MAPK6: variants seen among roughly 807,000 people sequenced by gnomAD.
MAPK6 encodes mitogen-activated protein kinase 6.
Under a neutral mutation model 59.3 loss-of-function variants are expected in MAPK6, and 19 were observed. The ratio of observed to expected loss-of-function variants is 0.32; its 90% CI spans 0.22 to 0.47. The LOEUF is 0.47. Ranked by LOEUF, MAPK6 falls within the 20% of genes least tolerant of loss-of-function variation. The pLI, the probability that MAPK6 is intolerant of heterozygous loss-of-function variation, is 1.00. For synonymous variants in MAPK6, 316 were observed against 290.3 expected, an observed-to-expected ratio of 1.09 and a Z score of -0.90; for missense variants, 724 against 847.9, an observed-to-expected ratio of 0.85 and a Z score of 1.81.
At chr15:52,009,050 G>T (rs1175649331) in intron 3 of MAPK6, among the ~76,000 whole-genome samples, 1 of 152,210 alleles carries the variant, frequency 6.6e-6, no homozygotes, top group Non-Finnish European at 1.5e-5. Flanking sequence ...AGAATGACCA[G>T]TGAAAGCAAA....
At chr15:52,047,341 T>G (rs1195224383) in intron 2 of MAPK6, among the ~76,000 whole-genome samples, 1 of 152,158 alleles carries the variant, frequency 6.6e-6, no homozygotes, top group Non-Finnish European at 1.5e-5. Context: ...GGATGCTATT[T>G]CAACTTTAGG....
chr15:52,044,326 A>G (rs561802244), intron 1 of MAPK6, among the ~76,000 whole-genome samples: 27 of 152,186 alleles, frequency 1.8e-4, no homozygotes, highest in Non-Finnish European at 3.4e-4. Flanking sequence ...CTTATTTATT[A>G]AAAGAACTGA....
chr15:51,982,073 G>A (rs912709798), intron 1 of MAPK6, among the ~76,000 whole-genome samples: 1 of 152,070 alleles, frequency 6.6e-6, no homozygotes, highest in Non-Finnish European at 1.5e-5. Flanking sequence ...GAAACATCAG[G>A]AAATGTAGAC....
chr15:52,038,053 T>C (rs752509105), intron 1 of MAPK6, among the ~76,000 whole-genome samples: 8 of 151,600 alleles, frequency 5.3e-5, no homozygotes, highest in Non-Finnish European at 1.0e-4. Context: ...GTGAAAATGT[T>C]ATTAGAAAGA....
chr15:52,035,131 T>C (rs1490315648), intron 1 of MAPK6, among the ~76,000 whole-genome samples: 1 of 152,254 alleles, frequency 6.6e-6, no homozygotes, highest in Non-Finnish European at 1.5e-5. Flanking sequence ...TCCTTATCTC[T>C]TGATTTTGCC....
At chr15:52,047,167 A>C in intron 2 of MAPK6, 152 bp downstream of exon 2, 1 of 472,530 alleles carries the variant, frequency 2.1e-6, no homozygotes, top group Non-Finnish European at 3.6e-6. Context: ...TCTCTGTTTG[A>C]AATGAAGGTG....
intron 1 of MAPK6, among the ~76,000 whole-genome samples, chr15:52,034,635 A>G (rs180730113): frequency 1.0e-4 from 15 of 150,208 alleles, no homozygotes; most frequent in Admixed American, 2.0e-4. Flanking sequence ...TCCTTCCTTC[A>G]CTTTTCTTCA....
intron 1 of MAPK6, chr15:52,042,672 T>G (rs1435664975): frequency 6.6e-6 from 1 of 152,200 alleles, no homozygotes; most frequent in Non-Finnish European, 1.5e-5. Flanking sequence ...AAAGCATTAT[T>G]TGTGCTTGAC....
intron 3 of MAPK6, among the ~76,000 whole-genome samples, chr15:52,052,941 T>G (rs983389447): frequency 4.6e-5 from 7 of 152,240 alleles, no homozygotes; most frequent in Admixed American, 1.3e-4. Flanking sequence ...GGTAACTGTT[T>G]AACTTTTTGA....
intron 3 of MAPK6, among the ~76,000 whole-genome samples, chr15:52,010,167 T>C (rs1004206928): frequency 2.6e-5 from 4 of 152,166 alleles, no homozygotes; most frequent in Admixed American, 6.6e-5. Context: ...AACGGGCTAC[T>C]TGGTAGGAAC....
rs143975796 is a variant in MAPK6 at position 52,011,847 on chromosome 15, G to A, written c.-632+7445G>A. Among the ~76,000 whole-genome samples the A allele has an allele frequency of 2.4e-3, 360 of 152,300 alleles. 1 individual carries two copies. The highest frequency in any genetic ancestry group is 8.2e-3 in the African/African-American group (340 of 41,540). On this transcript the variant is annotated intron_variant, in intron 3 of 7. Transcript: ENST00000691380. Reference sequence around the variant, plus strand: ...ATTACAACGTGTTCTTCTATAAACCGTGTCTAGGAGAGCAGTCATTTTAAA... The same window carrying A: ...ATTACAACGTGTTCTTCTATAAACCATGTCTAGGAGAGCAGTCATTTTAAA...
At chr15:51,992,633 C>T (rs1339212692) in intron 2 of MAPK6, among the ~76,000 whole-genome samples, 1 of 152,090 alleles carries the variant, frequency 6.6e-6, no homozygotes, top group Non-Finnish European at 1.5e-5. Context: ...ATGCCAATCA[C>T]AAGTCCCAGG....
Position 52,044,276 on chromosome 15 carries a change from T to C in MAPK6, c.-631-1554T>C, listed in dbSNP as rs376776783. On this transcript the variant is annotated intron_variant, in intron 1 of 5. Transcript: ENST00000261845. ...ACAGTAAAATAAAGCTATTATACTATTAGTATCCTTCATGATATTAAGCAG... is the reference window on the plus strand; with the variant it reads ...ACAGTAAAATAAAGCTATTATACTACTAGTATCCTTCATGATATTAAGCAG... Among the ~76,000 whole-genome samples, 32 of 152,178 alleles carry C rather than the reference T, an allele frequency of 2.1e-4. 1 individual carries two copies. The highest frequency in any genetic ancestry group is 5.9e-4 in the Admixed American group (9 of 15,276).
intron 2 of MAPK6, among the ~76,000 whole-genome samples, chr15:51,996,685 G>A (rs538265510): frequency 2.6e-5 from 4 of 151,074 alleles, no homozygotes; most frequent in East Asian, 4.0e-4. Flanking sequence ...CATGAGCCAC[G>A]GCGCCCGTCC....
intron 1 of MAPK6, among the ~76,000 whole-genome samples, chr15:52,029,001 GT>G (rs2030922391): frequency 6.6e-6 from 1 of 152,162 alleles, no homozygotes; most frequent in African/African-American, 2.4e-5. Flanking sequence ...TGAGACATAT[GT>G]TCTTGTTTTC....
intron 1 of MAPK6, among the ~76,000 whole-genome samples, chr15:52,024,886 T>TTA (rs2030701067): frequency 6.9e-6 from 1 of 145,560 alleles, no homozygotes; most frequent in East Asian, 2.0e-4. Flanking sequence ...GCCTTTTTTT[T>TTA]TTTTTTTTTT....
chr15:52,016,181 G>A (rs530375272), upstream of MAPK6, among the ~76,000 whole-genome samples: 1 of 150,762 alleles, frequency 6.6e-6, no homozygotes, highest in East Asian at 2.0e-4. Context: ...CGGGTGGTCA[G>A]GAGTTTGAGA....
intron 2 of MAPK6, among the ~76,000 whole-genome samples, chr15:51,985,159 T>C (rs1360544196): frequency 2.0e-5 from 3 of 151,944 alleles, no homozygotes; most frequent in Admixed American, 6.6e-5. Context: ...CTGGGGAACA[T>C]AGTGAGACCC....
At chr15:52,026,553 A>G (rs970429755) in intron 1 of MAPK6, among the ~76,000 whole-genome samples, 1 of 151,564 alleles carries the variant, frequency 6.6e-6, no homozygotes, top group Non-Finnish European at 1.5e-5. Flanking sequence ...CGGCCTCCCA[A>G]AGTGCAGGGA....
Sources: gnomAD v4.1 joint callset for allele counts (sites outside exome capture counted in the v4.1 genomes callset) on GRCh38, gnomAD v4.1.1 for gene constraint, MANE v1.5 for transcripts, NCBI Gene and HGNC (gene_info 2026-07-23, HGNC 2026-07-21) for gene names.